Variants in RAB31 observed in about 807,000 individuals in gnomAD.
RAB31 encodes RAB31, member RAS oncogene family.
In RAB31, 21 loss-of-function variants were observed where a neutral mutation model predicts 25.6. The ratio of observed to expected loss-of-function variants is 0.82; its 90% CI spans 0.58 to 1.18. RAB31 has a LOEUF of 1.18. Ranked by LOEUF, RAB31 falls within the 50% of genes most tolerant of loss-of-function variation. The pLI is 0.00. For synonymous variants in RAB31, 87 were observed against 84.0 expected (o/e 1.04, Z -0.20); for missense variants, 196 against 250.1 (o/e 0.78, Z 1.46).
At chr18:9,742,260 C>T (rs888066424) in intron 1 of RAB31, among the ~76,000 whole-genome samples, 1 of 152,178 alleles carries the variant, frequency 6.6e-6, no homozygotes, top group African/African-American at 2.4e-5. Flanking sequence ...GCAAGGGTTT[C>T]GAGGACTTCA....
intron 5 of RAB31, among the ~76,000 whole-genome samples, chr18:9,838,204 A>G (rs2068714735): frequency 6.6e-6 from 1 of 152,082 alleles, no homozygotes; most frequent in African/African-American, 2.4e-5. Flanking sequence ...GACCTGAGGG[A>G]GGTGAGCACT....
At chr18:9,713,822 G>A (rs572188020) in intron 1 of RAB31, among the ~76,000 whole-genome samples, 3 of 152,274 alleles carry the variant, frequency 2.0e-5, no homozygotes, top group African/African-American at 4.8e-5. Flanking sequence ...GTGAGGGCTC[G>A]ATTTCTGGTT....
intron 1 of RAB31, among the ~76,000 whole-genome samples, chr18:9,737,155 A>G (rs1326891786): frequency 2.6e-5 from 4 of 152,198 alleles, no homozygotes; most frequent in Non-Finnish European, 2.9e-5. Flanking sequence ...GACAAGGTCA[A>G]GCCCATAAAA....
At chr18:9,818,259 T>G (rs1012652273) in intron 5 of RAB31, among the ~76,000 whole-genome samples, 3 of 152,226 alleles carry the variant, frequency 2.0e-5, no homozygotes, top group African/African-American at 7.2e-5. Context: ...TTTAAGTGTA[T>G]ACAGTTCAAC....
In RAB31 at chr18:9,728,881, TA is replaced by T. The variant is rs568833505; in HGVS notation, c.39+20442del. ...TTTTATTTTTGCTAATATTATAGAT[TA>T]AAAATGATAATCTATTTTAATTTGC... On this transcript the variant is annotated intron_variant, in intron 1 of 6. Transcript: ENST00000578921. Among the ~76,000 whole-genome samples the T allele has an allele frequency of 4.8e-3, 728 of 152,318 alleles. 5 individuals carry two copies. Among genetic ancestry groups the T allele is most frequent in the Admixed American group, 8.3e-3 (127 of 15,306 alleles).
intron 1 of RAB31, among the ~76,000 whole-genome samples, chr18:9,739,310 TA>T (rs1192688846): frequency 1.3e-5 from 2 of 152,020 alleles, no homozygotes; most frequent in Admixed American, 6.6e-5. Flanking sequence ...CCGTCTCTAC[TA>T]AAAATAAAAA....
chr18:9,804,763 G>T (rs915226321), intron 3 of RAB31, among the ~76,000 whole-genome samples: 1 of 152,070 alleles, frequency 6.6e-6, no homozygotes, highest in Non-Finnish European at 1.5e-5. Flanking sequence ...ACGGACCTGT[G>T]GTAGGAAGAC....
rs1251200166 is a variant in RAB31, at chr18:9,860,076, T to G, written c.*751T>G. 6.6e-6 allele frequency: 1 copy of G among 152,222 alleles called. No individual in the cohort carries two copies. Among genetic ancestry groups the G allele is most frequent in the East Asian group, 1.9e-4 (1 of 5,194 alleles). 9.4% of individuals were successfully genotyped at this position (152,222 alleles called of 1,614,324 possible). A position where few individuals can be genotyped will look rare whatever the true frequency, so the allele number is the denominator to read the frequency against. On this transcript the variant is annotated 3_prime_UTR_variant, in exon 7 of 7. Coordinates refer to ENST00000578921, the MANE Select transcript of RAB31 (RefSeq NM_006868.4). ...TAATCACTATGTAAGTGGTGAGAGA[T>G]GCAGGACATACACATTATTCAAGAG...
At chr18:9,723,141 G>A (rs541615644) in intron 1 of RAB31, among the ~76,000 whole-genome samples, 11 of 152,172 alleles carry the variant, frequency 7.2e-5, no homozygotes, top group South Asian at 6.2e-4. Flanking sequence ...TCTGCCTCCC[G>A]GGTTCAAGCA....
At chr18:9,789,895 C>G (rs184229100) in intron 2 of RAB31, among the ~76,000 whole-genome samples, 247 of 152,274 alleles carry the variant, frequency 1.6e-3, no homozygotes, top group Non-Finnish European at 2.1e-3. Context: ...TTAGAACTCT[C>G]TAACTATTAT....
chr18:9,808,374 A>C (rs1409825733), intron 3 of RAB31, among the ~76,000 whole-genome samples: 1 of 152,182 alleles, frequency 6.6e-6, no homozygotes, highest in African/African-American at 2.4e-5. Flanking sequence ...TAACAGTTCG[A>C]TGTATTGTCT....
chr18:9,841,149 C>T (rs1379777357), intron 5 of RAB31, among the ~76,000 whole-genome samples: 2 of 152,060 alleles, frequency 1.3e-5, no homozygotes, highest in African/African-American at 4.8e-5. Flanking sequence ...TGATGCTGGT[C>T]ATGAACTCCT....
At chr18:9,770,468 T>G (rs2068338722) in intron 1 of RAB31, among the ~76,000 whole-genome samples, 1 of 152,196 alleles carries the variant, frequency 6.6e-6, no homozygotes, top group Non-Finnish European at 1.5e-5. Flanking sequence ...TTAATAAGTG[T>G]GACAATTCAA....
In RAB31 at chr18:9,715,925, A is replaced by T. The variant is rs904711035; in HGVS notation, c.39+7481A>T. The stretch of plus-strand genomic sequence containing the variant: ...GTGGCACTTTACCCACAAATACTTC[A>T]GTATGTGTCTTTTAGGAAAAAGGGC... On this transcript the variant is annotated intron_variant, in intron 1 of 6. Transcript: ENST00000578921. 1.7e-4 allele frequency among the ~76,000 whole-genome samples: 26 copies of T among 152,172 alleles called. 1 individual carries two copies. Among genetic ancestry groups the T allele is most frequent in the Admixed American group, 1.6e-3 (25 of 15,274 alleles).
At chr18:9,713,574 T>C (rs1027541001) in intron 1 of RAB31, among the ~76,000 whole-genome samples, 2 of 152,164 alleles carry the variant, frequency 1.3e-5, no homozygotes, top group African/African-American at 2.4e-5. Context: ...GGGTCAGCAT[T>C]GCTGCTTTCA....
intron 1 of RAB31, among the ~76,000 whole-genome samples, chr18:9,767,055 A>G (rs1035573387): frequency 2.0e-5 from 3 of 152,266 alleles, no homozygotes; most frequent in African/African-American, 7.2e-5. Context: ...AATACAAAAA[A>G]TAAATGCAAA....
rs1240858088 is a variant in RAB31 at position 9,815,109 on chromosome 18, G to A, written c.274-7G>A. On this transcript the variant is annotated splice_region_variant and splice_polypyrimidine_tract_variant and intron_variant, in intron 4 of 6. Transcript: ENST00000578921. The stretch of plus-strand genomic sequence containing the variant: ...TTTCTAATGATTTGTGTACACTGTT[G>A]GTTTAGGATTCATTTTATACCTTGA... 1.3e-6 allele frequency: 2 copies of A among 1,515,192 alleles called. No homozygotes were observed. The highest frequency in any genetic ancestry group is 2.5e-5 in the East Asian group (1 of 40,794). The allele number at this position is 1,515,192 out of a possible 1,614,324, so 93.9% of individuals were successfully genotyped here.
chr18:9,728,915 T>C (rs1385610333), intron 1 of RAB31, among the ~76,000 whole-genome samples: 1 of 152,230 alleles, frequency 6.6e-6, no homozygotes, highest in East Asian at 1.9e-4. Flanking sequence ...TGCATTTCTT[T>C]ATAATGACAA....
chr18:9,720,422 A>G (rs1451062132), intron 1 of RAB31, among the ~76,000 whole-genome samples: 1 of 152,192 alleles, frequency 6.6e-6, no homozygotes. Flanking sequence ...CCAGATGCTT[A>G]GTTGCCAGAT....
Sources: allele counts gnomAD v4.1 joint callset (sites outside exome capture counted in the v4.1 genomes callset), GRCh38; gene constraint gnomAD v4.1.1; transcripts MANE v1.5; gene names NCBI Gene and HGNC (gene_info 2026-07-23, HGNC 2026-07-21).